Variants in PFN1 observed in about 807,000 individuals in gnomAD.
PFN1 encodes the protein profilin 1.
PFN1 carries 2 observed loss-of-function variants against 11.7 expected under a neutral mutation model. That is an observed-to-expected ratio of 0.17 (90% CI 0.07 to 0.54). PFN1 has a LOEUF of 0.54. PFN1 is among the 20% of genes least tolerant of loss of function. PFN1 has a pLI of 0.94. For synonymous variants in PFN1, 78 were observed against 76.2 expected, an observed-to-expected ratio of 1.02 and a Z score of -0.12; for missense variants, 97 against 188.4, an observed-to-expected ratio of 0.51 and a Z score of 2.84.
intron 1 of PFN1, 44 bp downstream of exon 1, chr17:4,948,219 T>C (rs775892680): frequency 3.8e-5 from 52 of 1,368,988 alleles, no homozygotes; most frequent in Non-Finnish European, 4.9e-5. Context: ...TCCCTCAGGG[T>C]CCAAACCGGA....
Position 4,946,816 on chromosome 17 carries a change from G to A in PFN1, c.137C>T (p.Ala46Val), listed in dbSNP as rs751261956. Residue 46 changes from alanine to valine, a missense_variant, in exon 2 of 3, where the codon GCT becomes GTT. By Grantham distance (64) the Ala-to-Val change is moderately conservative (BLOSUM62 0). Transcript: ENST00000225655. ...PGKTFVNITP[A>V]EVGVLVGKDR... ...TTTGCCAACCAGGACACCCACCTCA[G>A]CTGGCTGGAAGAGGAACCAAGCGCC... 4 of 1,611,302 alleles carry A rather than the reference G, an allele frequency of 2.5e-6. No individual in the cohort carries two copies. Among genetic ancestry groups the A allele is most frequent in the Non-Finnish European group, 8.5e-7 (1 of 1,178,636 alleles).
At chr17:4,946,052 C>T in intron 2 of PFN1, 55 bp from the exon 3 acceptor site, 2 of 1,323,970 alleles carry the variant, frequency 1.5e-6, no homozygotes, top group East Asian at 2.3e-5. Flanking sequence ...CAATTCCACC[C>T]CCTGCCAGCT....
At chr17:4,947,267 G>A (rs1971419961) in intron 1 of PFN1, 1 of 152,654 alleles carries the variant, frequency 6.6e-6, no homozygotes, top group Admixed American at 6.6e-5. Context: ...GGAGCTGTTA[G>A]GGCCCGGACG....
At position 4,948,423 on chromosome 17, in the gene PFN1, C is replaced by T; in HGVS notation, c.-29G>A. 6.3e-7 allele frequency: 1 copy of T among 1,575,300 alleles called. No individual in the cohort carries two copies. On this transcript the variant is annotated 5_prime_UTR_variant, in exon 1 of 3. Transcript: ENST00000225655. ...GCTGCTACTGGGGCTGCTCTCGGCGCTGCTGCTGGGGCCGCGGACTGGGCT... is the reference window on the plus strand; with the variant it reads ...GCTGCTACTGGGGCTGCTCTCGGCGTTGCTGCTGGGGCCGCGGACTGGGCT...
rs201664872 is a variant in PFN1, at chr17:4,948,270, T to C, written c.125A>G (p.Asn42Ser). The change falls in exon 1 of 3, where the codon AAC (asparagine) becomes AGC (serine). Residue 42 changes from asparagine (N) to serine (S), a missense_variant. Transcript: ENST00000225655. ...GCGCAGGCCTCGCAGTACCGTGATG[T>C]TGACGAACGTTTTCCCGGGGACGGC... ...WAAVPGKTFV[N>S]ITPAEVGVLV... is the part of the protein sequence containing the mutation. 15 of 1,607,922 alleles carry C rather than the reference T, an allele frequency of 9.3e-6. No homozygotes were observed. The African/African-American group carries it at 1.6e-4, about 17-fold the overall frequency.
At chr17:4,947,808 C>G (rs1447314661) in intron 1 of PFN1, among the ~76,000 whole-genome samples, 9 of 152,200 alleles carry the variant, frequency 5.9e-5, no homozygotes, top group Non-Finnish European at 1.0e-4. Context: ...GGGACCAAGA[C>G]CACGCGCCTG....
chr17:4,946,907 C>T, intron 1 of PFN1, 87 bp from the exon 2 acceptor site: 1 of 1,191,572 alleles, frequency 8.4e-7, no homozygotes, highest in Non-Finnish European at 1.2e-6. Flanking sequence ...TCTTCCACTT[C>T]TGAGAACCAC....
chr17:4,948,218 G>A (rs772423398), intron 1 of PFN1, 45 bp downstream of exon 1: 4 of 1,560,146 alleles, frequency 2.6e-6, no homozygotes, highest in East Asian at 2.4e-5. Context: ...CTCCCTCAGG[G>A]TCCAAACCGG....
At chr17:4,946,894 C>A in intron 1 of PFN1, 74 bp from the exon 2 acceptor site, 1 of 1,375,578 alleles carries the variant, frequency 7.3e-7, no homozygotes, top group East Asian at 2.3e-5. Context: ...AAAGACCCAC[C>A]TGTCTTCCAC....
rs1971404057 is a variant in PFN1 at position 4,946,659 on chromosome 17, G to C, written c.294C>G (p.Thr98=). ...CAGTCTTGGTGACAGTGACATTGAA[G>C]GTGGGGGCCCCACCGGTGCTCTTGG... ...LRTKSTGGAP[T]FNVTVTKTDK... The change falls in exon 2 of 3, where the codon ACC becomes ACG. Residue 98 remains threonine (T), a synonymous_variant. Transcript: ENST00000225655. The C allele has an allele frequency of 1.1e-5, 17 of 1,613,572 alleles. 1 individual carries two copies. In the Middle Eastern group the frequency reaches 5.0e-4, roughly 47 times the overall value.
chr17:4,948,227 G>A, intron 1 of PFN1, 36 bp downstream of exon 1: 2 of 1,133,320 alleles, frequency 1.8e-6, no homozygotes, highest in African/African-American at 1.6e-5. Flanking sequence ...GGTCCAAACC[G>A]GAGCAGTGCC....
Position 4,946,642 on chromosome 17 carries a change from G to A in PFN1, c.311C>T (p.Thr104Ile). ...CAGGAACTCACTCTTGTCAGTCTTG[G>A]TGACAGTGACATTGAAGGTGGGGGC... The part of the protein sequence containing the change: ...GGAPTFNVTV[T>I]KTDKTLVLLM... The change falls in exon 2 of 3, where the codon ACC becomes ATC. Residue 104 changes from threonine (T) to isoleucine (I), a missense_variant. Physicochemically the swap from Thr to Ile is moderately conservative, Grantham distance 89 (BLOSUM62 -1). Transcript: ENST00000225655. The A allele has an allele frequency of 6.2e-7, 1 of 1,612,310 alleles. No homozygotes were observed. The highest frequency in any genetic ancestry group is 2.2e-5 in the East Asian group (1 of 44,866).
chr17:4,946,772 C>T lies in PFN1; in HGVS notation c.181G>A (p.Val61Met), dbSNP rs202232499. Residue 61 changes from valine (V) to methionine (M), a missense_variant, in exon 2 of 3, where the codon GTG becomes ATG. Coordinates refer to ENST00000225655, the MANE Select transcript of PFN1 (RefSeq NM_005022.4). ...TGGCCCCCAAGTGTCAGCCCATTCACGTAAAAACTTGACCGGTCTTTGCCA... is the reference window on the plus strand; with the variant it reads ...TGGCCCCCAAGTGTCAGCCCATTCATGTAAAAACTTGACCGGTCTTTGCCA... ...LVGKDRSSFYVNGLTLGGQKC... is the reference protein window; with the variant it reads ...LVGKDRSSFYMNGLTLGGQKC... The T allele has an allele frequency of 4.6e-5, 74 of 1,613,808 alleles. No individual in the cohort carries two copies. The highest frequency in any genetic ancestry group is 3.5e-4 in the Admixed American group (21 of 59,974).
At chr17:4,946,471 A>C (rs1199202582) in intron 2 of PFN1, among the ~76,000 whole-genome samples, 157 bp downstream of exon 2, 1 of 152,222 alleles carries the variant, frequency 6.6e-6, no homozygotes, top group South Asian at 2.1e-4. Flanking sequence ...GAATGGAGGG[A>C]CTATCCCGTG....
rs755290841 is a variant in PFN1, at chr17:4,945,990, G to C, written c.333C>G (p.Val111=). The change falls in exon 3 of 3, where the codon GTC becomes GTG. Residue 111 remains valine (V), a synonymous_variant. Coordinates refer to ENST00000225655, the MANE Select transcript of PFN1 (RefSeq NM_005022.4). ...GGACACCTTCTTTGCCCATCAGCAG[G>C]ACTAGCGCTGGAGGAGGAGGAAAGA... The part of the protein sequence containing the change: ...VTVTKTDKTL[V]LLMGKEGVHG... 12 of 1,610,760 alleles carry C rather than the reference G, an allele frequency of 7.4e-6. No homozygotes were observed. The South Asian group carries it at 1.3e-4, about 18-fold the overall frequency.
In PFN1 at chr17:4,948,285, C is replaced by T. The variant is rs1272314973; in HGVS notation, c.110G>A (p.Gly37Glu). 1.2e-6 allele frequency: 2 copies of T among 1,609,588 alleles called. No homozygotes were observed. Among genetic ancestry groups the T allele is most frequent in the Non-Finnish European group, 1.7e-6 (2 of 1,178,574 alleles). ...TACCGTGATGTTGACGAACGTTTTC[C>T]CGGGGACGGCGGCCCAGACGGAGGG... ...DSPSVWAAVP[G>E]KTFVNITPAE... Residue 37 changes from glycine to glutamate, a missense_variant, in exon 1 of 3, where the codon GGG becomes GAG. Physicochemically the swap from Gly to Glu is moderately conservative, Grantham distance 98 (BLOSUM62 -2). Coordinates refer to ENST00000225655, the MANE Select transcript of PFN1 (RefSeq NM_005022.4).
rs140177490 is a variant in PFN1 at position 4,948,452 on chromosome 17, G to C, written c.-58C>G. Reference sequence around the variant, plus strand: ...TGCTGGGGCCGCGGACTGGGCTCGAGCTGCCTCGGCTGGCGGGCGGGGGGA... The same window carrying C: ...TGCTGGGGCCGCGGACTGGGCTCGACCTGCCTCGGCTGGCGGGCGGGGGGA... On this transcript the variant is annotated 5_prime_UTR_variant, in exon 1 of 3. Coordinates refer to ENST00000225655, the MANE Select transcript of PFN1 (RefSeq NM_005022.4). The C allele has an allele frequency of 1.0e-3, 1,550 of 1,503,660 alleles. 9 individuals carry two copies. In the African/African-American group the frequency reaches 0.018, roughly 18 times the overall value. The allele number at this position is 1,503,660 out of a possible 1,614,324, so 93.1% of individuals were successfully genotyped here.
chr17:4,946,949 C>G, intron 1 of PFN1, 129 bp from the exon 2 acceptor site: 1 of 674,102 alleles, frequency 1.5e-6, no homozygotes, highest in East Asian at 2.8e-5. Flanking sequence ...AAATTATATA[C>G]TCAGTACACA....
intron 1 of PFN1, 112 bp from the exon 2 acceptor site, chr17:4,946,932 T>C (rs1003422075): frequency 1.2e-4 from 100 of 847,522 alleles, no homozygotes; most frequent in Non-Finnish European, 1.7e-4. Flanking sequence ...CCGTGGGGGC[T>C]AAGTATAAAT....
Sources: allele counts gnomAD v4.1 joint callset (sites outside exome capture counted in the v4.1 genomes callset), GRCh38; gene constraint gnomAD v4.1.1; transcripts MANE v1.5; gene names NCBI Gene and HGNC (gene_info 2026-07-23, HGNC 2026-07-21).